NLN: variants seen among roughly 807,000 people sequenced by gnomAD.
NLN encodes the protein neurolysin, also known as neurolysin, mitochondrial.
In NLN, 64 loss-of-function variants were observed where a neutral mutation model predicts 79.9. That is an observed-to-expected ratio of 0.80 (90% confidence interval 0.65 to 0.99). The LOEUF is 0.99. Ranked by LOEUF, NLN falls within the 50% of genes least tolerant of loss-of-function variation. NLN has a pLI of 0.00. For synonymous variants in NLN, 267 were observed against 296.6 expected, an observed-to-expected ratio of 0.90 and a Z score of 1.02; for missense variants, 835 against 858.7, an observed-to-expected ratio of 0.97 and a Z score of 0.34.
At position 65,810,095 on chromosome 5, in the gene NLN, C is replaced by T; in HGVS notation, c.1773C>T (p.Asn591=). The T allele has an allele frequency of 6.2e-7, 1 of 1,613,850 alleles. No individual in the cohort carries two copies. The highest frequency in any genetic ancestry group is 8.5e-7 in the Non-Finnish European group (1 of 1,179,736). ...LSKVDQSLHT[N]TSLDAASEYA... ...AAGTTGATCAGTCTCTTCATACCAA[C>T]ACATCGCTGGATGCTGCAAGTGAAT... is the stretch of plus-strand genomic sequence containing the variant. The change falls in exon 11 of 13, where the codon AAC becomes AAT. Residue 591 remains asparagine, a synonymous_variant. Transcript: ENST00000380985.
intron 1 of NLN, among the ~76,000 whole-genome samples, chr5:65,753,061 G>A (rs961618845): frequency 7.2e-5 from 11 of 152,140 alleles, no homozygotes; most frequent in African/African-American, 2.7e-4. Flanking sequence ...CCGAGGTGGA[G>A]GTATTGACAT....
intron 2 of NLN, among the ~76,000 whole-genome samples, chr5:65,762,285 T>G (rs1248003111): frequency 6.6e-6 from 1 of 152,116 alleles, no homozygotes; most frequent in Non-Finnish European, 1.5e-5. Flanking sequence ...TTGATTAGAT[T>G]TTCTATGGAG....
rs1158073487 is a variant in NLN, at chr5:65,805,008, C to T, written c.1528-4507C>T. Among the ~76,000 whole-genome samples, 6 of 152,282 alleles carry T rather than the reference C, an allele frequency of 3.9e-5. No individual in the cohort carries two copies. In the East Asian group the frequency reaches 9.6e-4, roughly 24 times the overall value. Reference sequence around the variant, plus strand: ...CATTTTTGTAATTCTCACAGTATTTCAGACTTTTCCATTATTTTTATATCT... The same window carrying T: ...CATTTTTGTAATTCTCACAGTATTTTAGACTTTTCCATTATTTTTATATCT... On this transcript the variant is annotated intron_variant, in intron 9 of 12. Transcript: ENST00000380985.
At chr5:65,750,553 T>C (rs1759082354) in intron 1 of NLN, among the ~76,000 whole-genome samples, 1 of 152,112 alleles carries the variant, frequency 6.6e-6, no homozygotes, top group Admixed American at 6.5e-5. Flanking sequence ...CCATCTCTAC[T>C]AAAAATTTTT....
At chr5:65,788,817 C>A (rs1296533789) in intron 8 of NLN, among the ~76,000 whole-genome samples, 3 of 151,978 alleles carry the variant, frequency 2.0e-5, no homozygotes. Context: ...ACAAAAAATA[C>A]AAAAATTAGC....
At chr5:65,741,429 G>A (rs1220866853) in intron 1 of NLN, among the ~76,000 whole-genome samples, 8 of 151,974 alleles carry the variant, frequency 5.3e-5, no homozygotes, top group Non-Finnish European at 1.5e-5. Flanking sequence ...ATTTTTGACT[G>A]AACCAGTCTT....
At chr5:65,792,843 G>A in intron 9 of NLN, 188 bp downstream of exon 9, 1 of 658,162 alleles carries the variant, frequency 1.5e-6, no homozygotes. Context: ...TTACTTGGAG[G>A]TTCATCTACC....
chr5:65,809,926 C>G (rs975229589), intron 10 of NLN, 111 bp from the exon 11 acceptor site: 59 of 1,244,512 alleles, frequency 4.7e-5, no homozygotes, highest in Admixed American at 2.0e-5. Context: ...ATGTCCTGCT[C>G]CCATTTTGTG....
chr5:65,805,074 GT>G (rs1333288072), intron 9 of NLN, among the ~76,000 whole-genome samples: 1 of 152,084 alleles, frequency 6.6e-6, no homozygotes, highest in Non-Finnish European at 1.5e-5. Flanking sequence ...TATTGCAATT[GT>G]TTTGAGGCAA....
chr5:65,785,929 T>C lies in NLN; in HGVS notation c.958+19T>C, dbSNP rs763080834. On this transcript the variant is annotated intron_variant, in intron 7 of 12. Transcript: ENST00000380985. ...TTTCTAGGTTAGTTCTTTTTTTTTTTTCTATGACTGTTTTGCTATACCATG... is the reference window on the plus strand; with the variant it reads ...TTTCTAGGTTAGTTCTTTTTTTTTTCTCTATGACTGTTTTGCTATACCATG... The C allele has an allele frequency of 6.2e-6, 10 of 1,608,556 alleles. No individual in the cohort carries two copies. Among genetic ancestry groups the C allele is most frequent in the Non-Finnish European group, 7.6e-6 (9 of 1,177,668 alleles).
Position 65,788,490 on chromosome 5 carries a change from G to A in NLN, c.1325+6G>A, listed in dbSNP as rs2150761887. On this transcript the variant is annotated splice_donor_region_variant and intron_variant, in intron 8 of 12. Coordinates refer to ENST00000380985, the MANE Select transcript of NLN (RefSeq NM_020726.5). ...TATTTGGACCTCTATCCAAGGTACT[G>A]AGGATCACGTTGTTGGAAGGGACCT... 1 of 1,609,034 alleles carries A rather than the reference G, an allele frequency of 6.2e-7. No homozygotes were observed. The highest frequency in any genetic ancestry group is 2.2e-5 in the East Asian group (1 of 44,796).
rs188271843 is a variant in NLN, at chr5:65,740,082, T to C, written c.41+17668T>C. ...AAAATCATTGCCCACACTAGTGTTA[T>C]GGAGCTTTTCCCATATATTTTCTGT... On this transcript the variant is annotated intron_variant, in intron 1 of 12. Transcript: ENST00000380985. Among the ~76,000 whole-genome samples, 255 of 152,364 alleles carry C rather than the reference T, an allele frequency of 1.7e-3. 1 individual carries two copies. Among genetic ancestry groups the C allele is most frequent in the African/African-American group, 5.8e-3 (242 of 41,592 alleles).
chr5:65,792,040 T>C (rs893692976), intron 8 of NLN, among the ~76,000 whole-genome samples: 13 of 152,236 alleles, frequency 8.5e-5, no homozygotes, highest in African/African-American at 3.1e-4. Flanking sequence ...AAATTCAGTT[T>C]TTTATTCCGA....
At chr5:65,781,021 A>G (rs1759789288) in intron 5 of NLN, among the ~76,000 whole-genome samples, 1 of 152,088 alleles carries the variant, frequency 6.6e-6, no homozygotes, top group South Asian at 2.1e-4. Context: ...CTGAAACATC[A>G]TTTGCACAAG....
At chr5:65,742,011 A>G (rs776922650) in intron 1 of NLN, among the ~76,000 whole-genome samples, 17 of 152,150 alleles carry the variant, frequency 1.1e-4, no homozygotes, top group Admixed American at 5.9e-4. Flanking sequence ...TGAAAGCTCT[A>G]TTTGTCAGTG....
chr5:65,775,668 G>C (rs905278499), intron 3 of NLN, among the ~76,000 whole-genome samples: 1 of 152,210 alleles, frequency 6.6e-6, no homozygotes, highest in African/African-American at 2.4e-5. Flanking sequence ...ACATCCGCAG[G>C]AACACTGTGA....
At chr5:65,724,571 C>T (rs1231182210) in intron 1 of NLN, among the ~76,000 whole-genome samples, 1 of 152,032 alleles carries the variant, frequency 6.6e-6, no homozygotes, top group African/African-American at 2.4e-5. Context: ...CTGTTTGAAT[C>T]CCTGCTTTTA....
intron 3 of NLN, among the ~76,000 whole-genome samples, chr5:65,774,057 T>TTTG (rs1421846179): frequency 2.7e-5 from 4 of 149,382 alleles, no homozygotes; most frequent in African/African-American, 9.8e-5. Context: ...AATTCAAAGT[T>TTTG]TTTTTTTTTT....
chr5:65,726,681 T>C (rs1019969159), intron 1 of NLN, among the ~76,000 whole-genome samples: 1 of 152,200 alleles, frequency 6.6e-6, no homozygotes, highest in Non-Finnish European at 1.5e-5. Context: ...GCCAAAAAAT[T>C]ATTACCTTGT....
Sources: gnomAD v4.1 joint callset for allele counts (sites outside exome capture counted in the v4.1 genomes callset) on GRCh38, gnomAD v4.1.1 for gene constraint, MANE v1.5 for transcripts, NCBI Gene and HGNC (gene_info 2026-07-23, HGNC 2026-07-21) for gene names.